Variants in SACM1L observed in about 807,000 individuals in gnomAD.
SACM1L encodes the protein phosphatidylinositol-3-phosphatase SAC1.
A neutral mutation model predicts 89.5 loss-of-function variants in SACM1L; 32 were observed. That is an observed-to-expected ratio of 0.36 (90% CI 0.27 to 0.48). The LOEUF (loss-of-function observed/expected upper bound fraction) is 0.48. SACM1L is among the 20% of genes least tolerant of loss of function. SACM1L has a pLI of 0.99. For synonymous variants in SACM1L, 213 were observed against 232.8 expected (o/e 0.92, Z 0.77); for missense variants, 543 against 708.5 (o/e 0.77, Z 2.65).
At chr3:45,743,452 C>T in intron 19 of SACM1L, 81 bp from the exon 20 acceptor site, 3 of 1,442,416 alleles carry the variant, frequency 2.1e-6, no homozygotes, top group Non-Finnish European at 2.8e-6. Flanking sequence ...TTTAATGTTG[C>T]CAAAATGTGC....
rs1461800535 is a variant in SACM1L, at chr3:45,745,351, T to C, written c.*1682T>C. On this transcript the variant is annotated 3_prime_UTR_variant, in exon 20 of 20. Coordinates refer to ENST00000389061, the MANE Select transcript of SACM1L (RefSeq NM_014016.5). ...ATTTCAGAATCCTGCGACGATTTTA[T>C]TTCTAAATTCATGTACTGTATGTCC... 6.5e-6 allele frequency: 1 copy of C among 152,692 alleles called. No individual in the cohort carries two copies. The highest frequency in any genetic ancestry group is 1.9e-4 in the East Asian group (1 of 5,200). 9.5% of individuals were successfully genotyped at this position (152,692 alleles called of 1,614,324 possible).
intron 16 of SACM1L, 89 bp from the exon 17 acceptor site, chr3:45,738,489 T>A (rs1699249441): frequency 1.4e-6 from 1 of 733,060 alleles, no homozygotes; most frequent in Non-Finnish European, 2.3e-6. Context: ...GTCACTCACT[T>A]ATTTCTATAC....
chr3:45,722,830 T>A, intron 9 of SACM1L, 39 bp from the exon 10 acceptor site: 1 of 1,450,798 alleles, frequency 6.9e-7, no homozygotes, highest in Non-Finnish European at 9.7e-7. Flanking sequence ...AAAACAAGTA[T>A]GTTTGTGTTT....
Position 45,731,391 on chromosome 3 carries a change from A to T in SACM1L, c.1001+11A>T, listed in dbSNP as rs1046791701. On this transcript the variant is annotated intron_variant, in intron 12 of 19. Coordinates refer to ENST00000389061, the MANE Select transcript of SACM1L (RefSeq NM_014016.5). ...AAGTGGAATGATGAGGTACCTCACTAGAAATCTGTTGCAGGTCTTTTCAGA... is the reference window on the plus strand; with the variant it reads ...AAGTGGAATGATGAGGTACCTCACTTGAAATCTGTTGCAGGTCTTTTCAGA... 3.8e-6 allele frequency: 6 copies of T among 1,593,450 alleles called. No individual in the cohort carries two copies. The African/African-American group carries it at 8.1e-5, about 21-fold the overall frequency.
chr3:45,743,983 G>C lies in SACM1L; in HGVS notation c.*314G>C. On this transcript the variant is annotated 3_prime_UTR_variant, in exon 20 of 20. Coordinates refer to ENST00000389061, the MANE Select transcript of SACM1L (RefSeq NM_014016.5). ...ATTGTCAATTTAATTAGCTGTTGCA[G>C]AATAAGTAATATATTTTAAAAACCT... 5.0e-6 allele frequency: 1 copy of C among 199,160 alleles called. No homozygotes were observed. The allele number at this position is 199,160 out of a possible 1,614,324, so 12.3% of individuals were successfully genotyped here.
At chr3:45,704,599 C>T (rs577819877) in intron 2 of SACM1L, among the ~76,000 whole-genome samples, 12 of 152,288 alleles carry the variant, frequency 7.9e-5, no homozygotes, top group Admixed American at 7.2e-4. Context: ...GTTGATACAA[C>T]CTAGTGTCTT....
chr3:45,709,651 A>T lies in SACM1L; in HGVS notation c.483+4A>T, dbSNP rs369152637. The T allele has an allele frequency of 3.1e-6, 5 of 1,593,356 alleles. No individual in the cohort carries two copies. The highest frequency in any genetic ancestry group is 4.3e-6 in the Non-Finnish European group (5 of 1,174,430). On this transcript the variant is annotated splice_donor_region_variant and intron_variant, in intron 5 of 19. Coordinates refer to ENST00000389061, the MANE Select transcript of SACM1L (RefSeq NM_014016.5). ...AGAAATGAGTCTCTTGGAAAGGGTA[A>T]GCTTGATCTTCAATTATTTTTATTT...
intron 1 of SACM1L, among the ~76,000 whole-genome samples, chr3:45,694,851 A>G (rs927453758): frequency 5.9e-5 from 9 of 152,206 alleles, no homozygotes; most frequent in Admixed American, 5.2e-4. Flanking sequence ...TTAGAGCTTC[A>G]GATTAGGTGG....
intron 1 of SACM1L, among the ~76,000 whole-genome samples, chr3:45,702,175 T>C (rs926817795): frequency 1.3e-5 from 2 of 152,106 alleles, no homozygotes; most frequent in Non-Finnish European, 2.9e-5. Context: ...TTGTAAGTTA[T>C]ATTTGGGTAA....
At chr3:45,719,707 C>T in intron 8 of SACM1L, 106 bp downstream of exon 8, 3 of 616,268 alleles carry the variant, frequency 4.9e-6, no homozygotes, top group Non-Finnish European at 8.3e-6. Context: ...CATTTGATAG[C>T]CTTGCTAAGT....
chr3:45,719,023 A>G (rs1020224404), intron 7 of SACM1L, among the ~76,000 whole-genome samples: 1 of 152,122 alleles, frequency 6.6e-6, no homozygotes, highest in African/African-American at 2.4e-5. Context: ...TGATCTGTGA[A>G]TCTTCATATG....
intron 7 of SACM1L, among the ~76,000 whole-genome samples, chr3:45,716,316 T>C (rs1350692867): frequency 6.6e-6 from 1 of 152,080 alleles, no homozygotes; most frequent in Admixed American, 6.6e-5. Context: ...TCTACAAAAA[T>C]TTTTTAAAAA....
Position 45,722,054 on chromosome 3 carries a change from A to G in SACM1L, c.734A>G (p.His245Arg), listed in dbSNP as rs747482613. ...ANFVETEQIV[H>R]YNGSKASFVQ... is the part of the protein sequence containing the mutation. ...TTTGTAGAAACAGAACAAATTGTGC[A>G]CTACAATGGGAGCAAAGCTTCGTTT... The change falls in exon 9 of 20, where the codon CAC becomes CGC. Residue 245 changes from histidine (H) to arginine (R), a missense_variant. By Grantham distance (29) the His-to-Arg change is conservative. Transcript: ENST00000389061. 4.3e-6 allele frequency: 7 copies of G among 1,612,716 alleles called. No homozygotes were observed. The East Asian group carries it at 1.1e-4, about 26-fold the overall frequency.
At chr3:45,729,496 G>A (rs181835291) in intron 11 of SACM1L, among the ~76,000 whole-genome samples, 60 of 152,252 alleles carry the variant, frequency 3.9e-4, no homozygotes, top group Middle Eastern at 3.4e-3. Context: ...TAATGATAAT[G>A]AACTACCTCA....
At chr3:45,707,053 C>T in intron 4 of SACM1L, 146 bp downstream of exon 4, 1 of 595,998 alleles carries the variant, frequency 1.7e-6, no homozygotes, top group South Asian at 3.1e-5. Flanking sequence ...TACTTTTCTA[C>T]CTAGGCATAA....
intron 7 of SACM1L, 96 bp downstream of exon 7, chr3:45,714,175 G>T: frequency 1.6e-6 from 1 of 610,082 alleles, no homozygotes. Flanking sequence ...ACTCCATAAG[G>T]AGAGTATTTC....
intron 5 of SACM1L, among the ~76,000 whole-genome samples, chr3:45,711,353 G>A (rs1032675745): frequency 1.3e-5 from 2 of 152,112 alleles, no homozygotes; most frequent in African/African-American, 4.8e-5. Context: ...TTAGCCAAGT[G>A]TAGTGGTTCA....
intron 11 of SACM1L, among the ~76,000 whole-genome samples, chr3:45,724,930 A>C (rs780374219): frequency 6.6e-6 from 1 of 152,178 alleles, no homozygotes; most frequent in Non-Finnish European, 1.5e-5. Context: ...TCCCAGCACC[A>C]TTTATAAAAA....
chr3:45,743,813 A>T lies in SACM1L; in HGVS notation c.*144A>T. On this transcript the variant is annotated 3_prime_UTR_variant, in exon 20 of 20. Coordinates refer to ENST00000389061, the MANE Select transcript of SACM1L (RefSeq NM_014016.5). ...ATCTTGTGCTCCATGCAGGATGATG[A>T]CAGAATTGATCTGATGTTACTGCCT... The T allele has an allele frequency of 1.3e-6, 1 of 757,322 alleles. No homozygotes were observed. Among genetic ancestry groups the T allele is most frequent in the Non-Finnish European group, 2.0e-6 (1 of 491,542 alleles). The allele number at this position is 757,322 out of a possible 1,614,324, so 46.9% of individuals were successfully genotyped here. A position where few individuals can be genotyped will look rare whatever the true frequency, so the allele number is the denominator to read the frequency against.
Sources: gnomAD v4.1 joint callset for allele counts (sites outside exome capture counted in the v4.1 genomes callset) on GRCh38, gnomAD v4.1.1 for gene constraint, MANE v1.5 for transcripts, NCBI Gene and HGNC (gene_info 2026-07-23, HGNC 2026-07-21) for gene names.